The following CDK19 variants were observed in gnomAD, a reference collection of about 807,000 sequenced individuals.
CDK19 encodes the protein cyclin-dependent kinase 19.
Under a neutral mutation model 68.3 loss-of-function variants are expected in CDK19, and 20 were observed. The observed-to-expected ratio is 0.29, with a 90% CI of 0.21 to 0.43. The LOEUF (loss-of-function observed/expected upper bound fraction) is 0.43, where lower values mean the gene tolerates loss of function less well. CDK19 is among the 20% of genes least tolerant of loss of function. CDK19 has a pLI of 1.00. For missense variants in CDK19, 339 were observed against 623.5 expected (o/e 0.54, Z 4.86); for synonymous variants, 221 against 222.8 (o/e 0.99, Z 0.07).
chr6:110,698,605 A>T (rs765778868), intron 2 of CDK19, among the ~76,000 whole-genome samples: 22 of 152,328 alleles, frequency 1.4e-4, no homozygotes, highest in Non-Finnish European at 3.1e-4. Context: ...GAAAATTCTT[A>T]AAGAACTAAG....
chr6:110,656,767 A>G (rs2691171), intron 4 of CDK19, among the ~76,000 whole-genome samples: 59,032 of 152,096 alleles, frequency 0.39, 13,002 homozygotes, highest in African/African-American at 0.59. Context: ...TCTAACAAGA[A>G]CCAATAAAAA....
chr6:110,772,962 T>C (rs574186670), intron 1 of CDK19, among the ~76,000 whole-genome samples: 4 of 144,588 alleles, frequency 2.8e-5, no homozygotes, highest in Non-Finnish European at 6.0e-5. Flanking sequence ...ATGCCTATAA[T>C]CTTAGCACTT....
intron 1 of CDK19, among the ~76,000 whole-genome samples, chr6:110,777,885 A>G (rs1181976535): frequency 6.6e-6 from 1 of 152,256 alleles, no homozygotes; most frequent in Non-Finnish European, 1.5e-5. Context: ...CCCTCACAAA[A>G]GGACAAACAC....
intron 1 of CDK19, among the ~76,000 whole-genome samples, chr6:110,796,087 C>T (rs1201270702): frequency 6.6e-6 from 1 of 152,082 alleles, no homozygotes; most frequent in East Asian, 1.9e-4. Context: ...GCCTGTAATC[C>T]CAGTACTTTG....
At chr6:110,794,585 A>T (rs1781813558) in intron 1 of CDK19, among the ~76,000 whole-genome samples, 1 of 146,552 alleles carries the variant, frequency 6.8e-6, no homozygotes, top group Non-Finnish European at 1.5e-5. Flanking sequence ...TTGTATTTTT[A>T]GTAGAGACAG....
chr6:110,767,418 G>T (rs1004741925), intron 1 of CDK19, among the ~76,000 whole-genome samples: 10 of 151,524 alleles, frequency 6.6e-5, no homozygotes, highest in African/African-American at 2.2e-4. Context: ...AGGAGTTCGA[G>T]ACCAGCCTGG....
chr6:110,746,926 T>A (rs775127180), intron 1 of CDK19, among the ~76,000 whole-genome samples: 28 of 152,184 alleles, frequency 1.8e-4, no homozygotes, highest in African/African-American at 6.5e-4. Context: ...ATTAACAGTA[T>A]GAGATAAGCA....
intron 1 of CDK19, among the ~76,000 whole-genome samples, chr6:110,768,387 G>A (rs891800105): frequency 2.0e-5 from 3 of 152,058 alleles, no homozygotes; most frequent in African/African-American, 2.4e-5. Context: ...TGCACTCCTT[G>A]GTATTTACCC....
chr6:110,693,681 T>C (rs993184117), intron 2 of CDK19, among the ~76,000 whole-genome samples: 43 of 152,192 alleles, frequency 2.8e-4, no homozygotes, highest in African/African-American at 1.0e-3. Context: ...CAGCCATAAT[T>C]CCCCTTGGAA....
At chr6:110,786,014 T>C (rs563065542) in intron 1 of CDK19, among the ~76,000 whole-genome samples, 2 of 151,718 alleles carry the variant, frequency 1.3e-5, no homozygotes, top group East Asian at 3.9e-4. Context: ...TAAAAAGAAA[T>C]ACATCATAAT....
intron 2 of CDK19, among the ~76,000 whole-genome samples, chr6:110,691,556 C>G (rs1457774321): frequency 1.3e-5 from 2 of 151,976 alleles, no homozygotes; most frequent in East Asian, 3.9e-4. Flanking sequence ...AAGGCAGGCT[C>G]CCGGTTCACC....
rs76408765 is a variant in CDK19, at chr6:110,782,446, G to A, written c.128+32563C>T. On this transcript the variant is annotated intron_variant, in intron 1 of 12. Coordinates refer to ENST00000368911, the MANE Select transcript of CDK19 (RefSeq NM_015076.5). ...AGCTACCACTAAGAAACAGGTCCTCGTCATTCCTATTTGGACCTAACAGCC... is the reference window on the plus strand; with the variant it reads ...AGCTACCACTAAGAAACAGGTCCTCATCATTCCTATTTGGACCTAACAGCC... 5.6e-3 allele frequency among the ~76,000 whole-genome samples: 845 copies of A among 152,200 alleles called. 7 individuals carry two copies. The highest frequency in any genetic ancestry group is 0.02 in the African/African-American group (817 of 41,544).
At chr6:110,630,560 T>C (rs1158124489) in intron 6 of CDK19, among the ~76,000 whole-genome samples, 1 of 152,228 alleles carries the variant, frequency 6.6e-6, no homozygotes, top group African/African-American at 2.4e-5. Flanking sequence ...AAGTCACTGG[T>C]TGGAATGTAC....
At chr6:110,699,053 C>A (rs1422488036) in intron 2 of CDK19, among the ~76,000 whole-genome samples, 887 of 108,218 alleles carry the variant, frequency 8.2e-3, no homozygotes, top group Middle Eastern at 0.018. Context: ...GACCCTGTCT[C>A]AAAAAAAAAA....
At chr6:110,624,531 T>A (rs932125136) in intron 8 of CDK19, among the ~76,000 whole-genome samples, 1 of 152,200 alleles carries the variant, frequency 6.6e-6, no homozygotes, top group African/African-American at 2.4e-5. Flanking sequence ...AAAATTTTTA[T>A]AATGTCCCTT....
In CDK19 at chr6:110,691,384, G is replaced by A. The variant is rs534590188; in HGVS notation, c.205-20843C>T. Among the ~76,000 whole-genome samples the A allele has an allele frequency of 1.7e-3, 261 of 151,914 alleles. 5 individuals carry two copies. Among genetic ancestry groups the A allele is most frequent in the South Asian group, 0.016 (76 of 4,808 alleles). ...AGCTGCTCAGGAGGCTGAGGCAAGA[G>A]AATTGCTTGAACCCAGGAGGTGGAG... is the stretch of plus-strand genomic sequence containing the variant. On this transcript the variant is annotated intron_variant, in intron 2 of 12. Transcript: ENST00000368911.
chr6:110,780,146 A>T (rs1404620286), intron 1 of CDK19, among the ~76,000 whole-genome samples: 3 of 151,852 alleles, frequency 2.0e-5, no homozygotes, highest in Non-Finnish European at 4.4e-5. Flanking sequence ...TGAACCCAGG[A>T]GATGGAGGTT....
At chr6:110,739,884 C>T (rs1441596602) in intron 2 of CDK19, among the ~76,000 whole-genome samples, 5 of 151,860 alleles carry the variant, frequency 3.3e-5, no homozygotes, top group Non-Finnish European at 7.4e-5. Context: ...AAGCAATCAT[C>T]CCACCTCAGT....
intron 2 of CDK19, among the ~76,000 whole-genome samples, chr6:110,694,443 C>T (rs541718486): frequency 2.0e-5 from 3 of 152,076 alleles, no homozygotes; most frequent in African/African-American, 7.2e-5. Flanking sequence ...ATAAAAGGAT[C>T]GGTCCAACAG....
Sources: gnomAD v4.1 joint callset for allele counts (sites outside exome capture counted in the v4.1 genomes callset) on GRCh38, gnomAD v4.1.1 for gene constraint, MANE v1.5 for transcripts, NCBI Gene and HGNC (gene_info 2026-07-23, HGNC 2026-07-21) for gene names.